MIEF1: variants seen among roughly 807,000 people sequenced by gnomAD.
MIEF1 encodes the protein mitochondrial dynamics protein MIEF1.
A neutral mutation model predicts 35.1 loss-of-function variants in MIEF1; 14 were observed. The observed-to-expected ratio is 0.40, with a 90% CI of 0.26 to 0.62. The LOEUF is 0.62. Among genes scored for constraint, MIEF1 ranks in the 20% least tolerant of loss-of-function variants. MIEF1 has a pLI of 0.43. For missense variants in MIEF1, 542 were observed against 615.4 expected, an observed-to-expected ratio of 0.88 and a Z score of 1.26; for synonymous variants, 245 against 254.3, an observed-to-expected ratio of 0.96 and a Z score of 0.35.
chr22:39,508,601 A>G (rs796812733), intron 2 of MIEF1, among the ~76,000 whole-genome samples: 1 of 152,206 alleles, frequency 6.6e-6, no homozygotes, highest in African/African-American at 2.4e-5. Context: ...CTCAGTGGCC[A>G]CTGGAGAGAG....
chr22:39,501,521 G>A (rs182285677), upstream of MIEF1, among the ~76,000 whole-genome samples: 21 of 152,158 alleles, frequency 1.4e-4, no homozygotes, highest in East Asian at 4.0e-3. Flanking sequence ...CCCTGGGCTT[G>A]GCAGAGCCAG....
rs746345828 is a variant in MIEF1, at chr22:39,513,666, C to T, written c.735C>T (p.Ser245=). The change falls in exon 6 of 6, where the codon AGC becomes AGT. Residue 245 remains serine (S), a synonymous_variant. Transcript: ENST00000325301. ...RENPEYFPRG[S]SYWDRCVVGG... ...ATCCAGAGTACTTTCCTCGTGGGAG[C>T]AGTTACTGGGACCGCTGTGTAGTAG... is the stretch of plus-strand genomic sequence containing the variant. The T allele has an allele frequency of 1.2e-6, 2 of 1,614,114 alleles. No homozygotes were observed. The highest frequency in any genetic ancestry group is 2.2e-5 in the South Asian group (2 of 91,080).
rs1176452559 is a variant in MIEF1 at position 39,506,350 on chromosome 22, T to TA, written c.-8+1817dup. Among the ~76,000 whole-genome samples the TA allele has an allele frequency of 4.6e-5, 7 of 152,270 alleles. No individual in the cohort carries two copies. The East Asian group carries it at 1.4e-3, about 29-fold the overall frequency. On this transcript the variant is annotated intron_variant, in intron 2 of 5. Transcript: ENST00000325301. ...GGGAACAAGGTGTGGAGCAAGTACC[T>TA]AGGACCCCTGTAGATTAGTTCTCCG...
rs1038068614 is a variant in MIEF1, at chr22:39,515,197, T to C, written c.*874T>C. ...CACCACTTCATCATGAATGCTGGTTTTCACACCTTTTCCTTATTTTATTGC... is the reference window on the plus strand; with the variant it reads ...CACCACTTCATCATGAATGCTGGTTCTCACACCTTTTCCTTATTTTATTGC... On this transcript the variant is annotated 3_prime_UTR_variant, in exon 6 of 6. Transcript: ENST00000325301. The C allele has an allele frequency of 2.2e-5, 15 of 690,874 alleles. No individual in the cohort carries two copies. In the African/African-American group the frequency reaches 2.5e-4, roughly 11 times the overall value. The allele number at this position is 690,874 out of a possible 1,614,324, so 42.8% of individuals were successfully genotyped here.
intron 2 of MIEF1, among the ~76,000 whole-genome samples, chr22:39,507,534 C>T (rs549624570): frequency 8.4e-4 from 127 of 151,624 alleles, no homozygotes; most frequent in Middle Eastern, 3.4e-3. Flanking sequence ...CGTGAGCCAC[C>T]GTACCCGGCC....
chr22:39,501,571 G>C (rs112352790), upstream of MIEF1: 2 of 152,278 alleles, frequency 1.3e-5, no homozygotes, highest in African/African-American at 4.8e-5. Flanking sequence ...CTTCCATAGA[G>C]ACACGGCCTC....
At chr22:39,504,175 G>T (rs2145740991) in intron 1 of MIEF1, 28 bp from the exon 2 acceptor site, 1 of 398,880 alleles carries the variant, frequency 2.5e-6, no homozygotes, top group African/African-American at 2.1e-5. Context: ...CTGATACTAG[G>T]CTTGTATGTC....
At chr22:39,503,253 C>T (rs1418223917) in intron 1 of MIEF1, 2 of 152,176 alleles carry the variant, frequency 1.3e-5, no homozygotes, top group Admixed American at 6.5e-5. Flanking sequence ...TTACTTCCCT[C>T]TGGGAGATTG....
Position 39,515,464 on chromosome 22 carries a change from G to A in MIEF1, c.*1141G>A, listed in dbSNP as rs982546374. On this transcript the variant is annotated 3_prime_UTR_variant, in exon 6 of 6. Transcript: ENST00000325301. The stretch of plus-strand genomic sequence containing the variant: ...AATGTGAGAGGGGTGTTTGCTGAGC[G>A]CTCCGGGCACGGCCAGAGGGCAAGT... The A allele has an allele frequency of 6.1e-6, 4 of 654,478 alleles. No homozygotes were observed. Among genetic ancestry groups the A allele is most frequent in the East Asian group, 2.7e-5 (1 of 36,844 alleles). 40.5% of individuals were successfully genotyped at this position (654,478 alleles called of 1,614,324 possible).
At chr22:39,500,538 C>G (rs1227186720), upstream of MIEF1, 1 of 150,634 alleles carries the variant, frequency 6.6e-6, no homozygotes, top group Non-Finnish European at 1.5e-5. Flanking sequence ...ATTTGGGTCA[C>G]AAAATTCTTT....
chr22:39,507,515 G>C (rs370921808), intron 2 of MIEF1, among the ~76,000 whole-genome samples: 5 of 151,640 alleles, frequency 3.3e-5, no homozygotes, highest in African/African-American at 9.7e-5. Flanking sequence ...AAAGTGTTGG[G>C]ATTACAGGCG....
At position 39,514,238 on chromosome 22, in the gene MIEF1, C is replaced by T; in HGVS notation, c.1307C>T (p.Ala436Val). Reference protein sequence around the residue: ...SALNPKVNLFAELTPEEIDEL... With the variant: ...SALNPKVNLFVELTPEEIDEL... ...CTAAACCCCAAGGTGAACTTATTTG[C>T]AGAGCTCACCCCTGAAGAAATAGAC... The change falls in exon 6 of 6, where the codon GCA (alanine) becomes GTA (valine). Residue 436 changes from alanine to valine, a missense_variant. By Grantham distance (64) the Ala-to-Val change is moderately conservative. Transcript: ENST00000325301. 1 of 1,614,222 alleles carries T rather than the reference C, an allele frequency of 6.2e-7. No individual in the cohort carries two copies. The highest frequency in any genetic ancestry group is 8.5e-7 in the Non-Finnish European group (1 of 1,180,046).
At position 39,514,201 on chromosome 22, in the gene MIEF1, C is replaced by A; in HGVS notation, c.1270C>A (p.Leu424Met). Residue 424 changes from leucine to methionine, a missense_variant, in exon 6 of 6, where the codon CTG becomes ATG. Transcript: ENST00000325301. ...GLISYLEAGV[L>M]PSALNPKVNL... ...TATCAGCTACTTAGAGGCTGGAGTC[C>A]TGCCCAGTGCCCTAAACCCCAAGGT... is the stretch of plus-strand genomic sequence containing the variant. 6.2e-7 allele frequency: 1 copy of A among 1,614,242 alleles called. No individual in the cohort carries two copies. The highest frequency in any genetic ancestry group is 8.5e-7 in the Non-Finnish European group (1 of 1,180,048).
chr22:39,502,715 C>T (rs1929807194), intron 1 of MIEF1, among the ~76,000 whole-genome samples: 1 of 152,268 alleles, frequency 6.6e-6, no homozygotes, highest in Non-Finnish European at 1.5e-5. Context: ...TGGTGAAGTG[C>T]AGACTGGCTG....
intron 2 of MIEF1, among the ~76,000 whole-genome samples, chr22:39,505,171 G>C (rs1192389950): frequency 6.6e-6 from 1 of 151,960 alleles, no homozygotes; most frequent in Non-Finnish European, 1.5e-5. Context: ...TCCAGCCTGG[G>C]TGACAGAGTG....
chr22:39,502,772 G>T (rs1929810814), intron 1 of MIEF1, among the ~76,000 whole-genome samples: 1 of 152,230 alleles, frequency 6.6e-6, no homozygotes, highest in Admixed American at 6.5e-5. Context: ...TACAGCCCTC[G>T]CCGTGACAGT....
chr22:39,505,482 C>T (rs951548840), intron 2 of MIEF1, among the ~76,000 whole-genome samples: 6 of 152,194 alleles, frequency 3.9e-5, no homozygotes, highest in Non-Finnish European at 7.3e-5. Context: ...TCAAACAGCT[C>T]TGCCTGTCCA....
Position 39,511,704 on chromosome 22 carries a change from C to T in MIEF1, c.145-145C>T, listed in dbSNP as rs796118167. ...ATGTAGTCTTCCCTGAGATTTTCTG[C>T]GTGGAGCAAAGTATTCTATAATCTA... is the stretch of plus-strand genomic sequence containing the variant. On this transcript the variant is annotated intron_variant, in intron 3 of 5. Coordinates refer to ENST00000325301, the MANE Select transcript of MIEF1 (RefSeq NM_019008.6). 9.3e-6 allele frequency: 11 copies of T among 1,186,188 alleles called. No individual in the cohort carries two copies. In the Admixed American group the frequency reaches 1.3e-4, roughly 15 times the overall value. 73.5% of individuals were successfully genotyped at this position (1,186,188 alleles called of 1,614,324 possible).
At chr22:39,511,483 G>C in intron 3 of MIEF1, 45 bp downstream of exon 3, 1 of 1,490,536 alleles carries the variant, frequency 6.7e-7, no homozygotes. Context: ...TAGTGGTATG[G>C]TCATAAGATG....
Sources: allele counts gnomAD v4.1 joint callset (sites outside exome capture counted in the v4.1 genomes callset), GRCh38; gene constraint gnomAD v4.1.1; transcripts MANE v1.5; gene names NCBI Gene and HGNC (gene_info 2026-07-23, HGNC 2026-07-21).